Variants in ADARB2 observed in about 807,000 individuals in gnomAD.
ADARB2 encodes the protein adenosine deaminase RNA specific B2 (inactive).
A neutral mutation model predicts 62.2 loss-of-function variants in ADARB2; 25 were observed. The observed-to-expected ratio is 0.40, with a 90% CI of 0.29 to 0.56. The LOEUF is 0.56. Ranked by LOEUF, ADARB2 falls within the 20% of genes least tolerant of loss-of-function variation. The probability of loss-of-function intolerance (pLI) is 0.43; values close to 1 mark genes in which losing one functional copy is unlikely to be tolerated. For missense variants in ADARB2, 1,071 were observed against 1,077.4 expected (o/e 0.99, Z 0.08); for synonymous variants, 572 against 500.8 (o/e 1.14, Z -1.90).
intron 1 of ADARB2, among the ~76,000 whole-genome samples, chr10:1,514,178 A>AATACATATATATATATATATATATATAT (rs1554767853): frequency 1.1e-5 from 1 of 94,158 alleles, no homozygotes; most frequent in South Asian, 3.9e-4. Flanking sequence ...GCTGTCTCAA[A>AATACATATATATATATATATATATATAT]ATATATATAT....
chr10:1,514,649 A>C (rs2131947419), intron 1 of ADARB2, among the ~76,000 whole-genome samples: 1 of 152,046 alleles, frequency 6.6e-6, no homozygotes, highest in East Asian at 2.0e-4. Context: ...AGACAGAGGA[A>C]CTGAATTTTA....
intron 4 of ADARB2, among the ~76,000 whole-genome samples, chr10:1,262,290 A>AATAAT (rs1831147414): frequency 8.9e-6 from 1 of 112,040 alleles, no homozygotes; most frequent in Non-Finnish European, 1.8e-5. Flanking sequence ...CTTAAAGTAT[A>AATAAT]ATAATAATAA....
chr10:1,518,144 G>A (rs575877522), intron 1 of ADARB2, among the ~76,000 whole-genome samples: 20 of 152,322 alleles, frequency 1.3e-4, no homozygotes, highest in African/African-American at 4.8e-4. Context: ...CTCCAGCAGC[G>A]AGAGCGATGG....
chr10:1,450,488 C>G (rs989713993), intron 1 of ADARB2, among the ~76,000 whole-genome samples: 6 of 152,220 alleles, frequency 3.9e-5, no homozygotes, highest in African/African-American at 1.4e-4. Context: ...GATGGTGCCT[C>G]CTGCACCTGC....
intron 1 of ADARB2, among the ~76,000 whole-genome samples, chr10:1,612,122 G>A (rs1214630298): frequency 6.6e-6 from 1 of 152,220 alleles, no homozygotes; most frequent in Admixed American, 6.5e-5. Context: ...TTCCTCCCCA[G>A]GGCTGAGCCG....
At chr10:1,194,526 AATCT>A (rs10633061) in intron 8 of ADARB2, among the ~76,000 whole-genome samples, 7 of 151,382 alleles carry the variant, frequency 4.6e-5, no homozygotes, top group African/African-American at 7.3e-5. Context: ...CTATCTATCT[AATCT>A]ATCTATCTGT....
At chr10:1,645,491 G>A (rs1834028604) in intron 1 of ADARB2, among the ~76,000 whole-genome samples, 1 of 152,184 alleles carries the variant, frequency 6.6e-6, no homozygotes, top group Non-Finnish European at 1.5e-5. Flanking sequence ...CCTCTAACTT[G>A]ACTTCTTGAA....
chr10:1,459,123 A>G (rs1831134888), intron 1 of ADARB2, among the ~76,000 whole-genome samples: 1 of 152,222 alleles, frequency 6.6e-6, no homozygotes, highest in African/African-American at 2.4e-5. Context: ...CATTGTGGAA[A>G]GCAGTGTGGT....
At chr10:1,686,785 T>C (rs1346628825) in intron 1 of ADARB2, among the ~76,000 whole-genome samples, 2 of 152,220 alleles carry the variant, frequency 1.3e-5, no homozygotes, top group East Asian at 3.8e-4. Flanking sequence ...GATACTATTA[T>C]AAGTATCATA....
At chr10:1,660,631 G>A (rs1223282478) in intron 1 of ADARB2, among the ~76,000 whole-genome samples, 1 of 152,186 alleles carries the variant, frequency 6.6e-6, no homozygotes, top group Admixed American at 6.5e-5. Flanking sequence ...GTGCCCCTCT[G>A]ATGTTTCCTG....
chr10:1,474,619 G>T (rs1474553464), intron 1 of ADARB2, among the ~76,000 whole-genome samples: 1 of 152,198 alleles, frequency 6.6e-6, no homozygotes, highest in Non-Finnish European at 1.5e-5. Context: ...ACCTGGGAGA[G>T]GCTCTCAGCC....
intron 3 of ADARB2, among the ~76,000 whole-genome samples, chr10:1,302,214 G>C (rs1322567400): frequency 6.6e-6 from 1 of 152,242 alleles, no homozygotes; most frequent in Non-Finnish European, 1.5e-5. Context: ...TGCCTCACTT[G>C]GGAAGCGCAA....
At chr10:1,362,897 CT>C in intron 3 of ADARB2, 130 bp downstream of exon 3, 1 of 924,094 alleles carries the variant, frequency 1.1e-6, no homozygotes. Context: ...GGGAGACATT[CT>C]TTCCCCTCCC....
Position 1,363,317 on chromosome 10 carries a change from A to T in ADARB2, c.788T>A (p.Leu263Gln). The change falls in exon 3 of 10, where the codon CTG becomes CAG. Residue 263 changes from leucine (L) to glutamine (Q), a missense_variant. Transcript: ENST00000381312. ...RRRLLCRALDLVGPTPATPAA... is the reference protein window; with the variant it reads ...RRRLLCRALDQVGPTPATPAA... The stretch of plus-strand genomic sequence containing the variant: ...GGGGGTGGCGGGGGTCGGGCCCACC[A>T]GGTCCAGCGCGCGGCACAGCAGCCG... 8.1e-7 allele frequency: 1 copy of T among 1,233,058 alleles called. No homozygotes were observed. Among genetic ancestry groups the T allele is most frequent in the South Asian group, 3.4e-5 (1 of 29,360 alleles). 76.4% of individuals were successfully genotyped at this position (1,233,058 alleles called of 1,614,324 possible).
intron 4 of ADARB2, among the ~76,000 whole-genome samples, chr10:1,268,572 A>G (rs977661575): frequency 6.6e-6 from 1 of 152,200 alleles, no homozygotes; most frequent in East Asian, 1.9e-4. Context: ...AAGACATATT[A>G]CTCTGAGAAT....
intron 1 of ADARB2, among the ~76,000 whole-genome samples, chr10:1,659,296 G>A (rs1192235894): frequency 1.3e-5 from 2 of 152,200 alleles, no homozygotes; most frequent in Non-Finnish European, 2.9e-5. Flanking sequence ...AATAAACGGG[G>A]ATGGGAGTCC....
rs1836692240 is a variant in ADARB2, at chr10:1,182,601, T to G, written c.*592A>C. On this transcript the variant is annotated 3_prime_UTR_variant, in exon 10 of 10. Transcript: ENST00000381312. ...TTCACTTTGTGGGAATGGCTTTCGT[T>G]TCTCTGGTTCTATTTTAGGTGTTCG... 1 of 152,470 alleles carries G rather than the reference T, an allele frequency of 6.6e-6. No individual in the cohort carries two copies. The allele number at this position is 152,470 out of a possible 1,614,324, so 9.4% of individuals were successfully genotyped here.
intron 1 of ADARB2, among the ~76,000 whole-genome samples, chr10:1,554,794 C>T (rs927584474): frequency 3.9e-5 from 6 of 152,034 alleles, no homozygotes; most frequent in African/African-American, 1.5e-4. Context: ...AGGTTGTTAC[C>T]GGGGTATACT....
intron 1 of ADARB2, among the ~76,000 whole-genome samples, chr10:1,412,195 G>A (rs1278965301): frequency 1.3e-5 from 2 of 152,160 alleles, no homozygotes; most frequent in Admixed American, 1.3e-4. Context: ...TTCGGAGCGT[G>A]CTGCATCCTG....
Sources: allele counts gnomAD v4.1 joint callset (sites outside exome capture counted in the v4.1 genomes callset), GRCh38; gene constraint gnomAD v4.1.1; transcripts MANE v1.5; gene names NCBI Gene and HGNC (gene_info 2026-07-23, HGNC 2026-07-21).